ORAI2: variants seen among roughly 807,000 people sequenced by gnomAD.
The protein encoded by ORAI2 is ORAI calcium release-activated calcium modulator 2, also known as protein orai-2.
In ORAI2, 10 loss-of-function variants were observed where a neutral mutation model predicts 16.2. The ratio of observed to expected loss-of-function variants is 0.62; its 90% confidence interval spans 0.38 to 1.04. The LOEUF (loss-of-function observed/expected upper bound fraction) is 1.04. ORAI2 is among the 50% of genes least tolerant of loss of function. The pLI, the probability that ORAI2 is intolerant of heterozygous loss-of-function variation, is 0.01. For missense variants in ORAI2, 238 were observed against 355.5 expected (o/e 0.67, Z 2.66); for synonymous variants, 150 against 157.5 (o/e 0.95, Z 0.35).
In ORAI2 at chr7:102,446,989, C is replaced by T. The variant is rs759885796; in HGVS notation, c.702C>T (p.Ile234=). 1.3e-5 allele frequency: 21 copies of T among 1,592,128 alleles called. No individual in the cohort carries two copies. Among genetic ancestry groups the T allele is most frequent in the Admixed American group, 3.5e-5 (2 of 56,362 alleles). The part of the protein sequence containing the change: ...RHKTERHNRE[I]EELHKLKVQL... ...AAACGGAGCGCCACAACCGCGAGATCGAGGAGCTCCACAAGCTCAAGGTCC... is the reference window on the plus strand; with the variant it reads ...AAACGGAGCGCCACAACCGCGAGATTGAGGAGCTCCACAAGCTCAAGGTCC... Residue 234 remains isoleucine, a synonymous_variant, in exon 4 of 4, where the codon ATC becomes ATT. Transcript: ENST00000495936.
intron 3 of ORAI2, among the ~76,000 whole-genome samples, chr7:102,445,881 C>T (rs888470561): frequency 7.2e-6 from 1 of 137,974 alleles, no homozygotes; most frequent in Non-Finnish European, 1.5e-5. Flanking sequence ...TTTTCTTTCT[C>T]TCTCTTTCTT....
rs1407250479 is a variant in ORAI2, at chr7:102,454,817, C to T, written c.*7765C>T. 2 of 152,310 alleles carry T rather than the reference C, an allele frequency of 1.3e-5. No individual in the cohort carries two copies. Among genetic ancestry groups the T allele is most frequent in the Admixed American group, 6.5e-5 (1 of 15,274 alleles). The allele number at this position is 152,310 out of a possible 1,614,324, so 9.4% of individuals were successfully genotyped here. ...TGTCTGATGGATGCGGAAATGGCCA[C>T]CCCAAACACCGGTAAGCAGATGTTA... On this transcript the variant is annotated 3_prime_UTR_variant, in exon 4 of 4. Coordinates refer to ENST00000495936, the MANE Select transcript of ORAI2 (RefSeq NM_001126340.3).
rs908848904 is a variant in ORAI2 at position 102,452,801 on chromosome 7, T to G, written c.*5749T>G. 8.5e-6 allele frequency: 1 copy of G among 117,620 alleles called. No homozygotes were observed. Among genetic ancestry groups the G allele is most frequent in the Non-Finnish European group, 1.6e-5 (1 of 62,766 alleles). The allele number at this position is 117,620 out of a possible 1,614,324, so 7.3% of individuals were successfully genotyped here. ...CCTCTTCTAGGAAAGAATTTCTGTTTGTTTTGTTTTGTTTTGTTTTGTTTT... is the reference window on the plus strand; with the variant it reads ...CCTCTTCTAGGAAAGAATTTCTGTTGGTTTTGTTTTGTTTTGTTTTGTTTT... On this transcript the variant is annotated 3_prime_UTR_variant, in exon 4 of 4. Coordinates refer to ENST00000495936, the MANE Select transcript of ORAI2 (RefSeq NM_001126340.3).
Position 102,446,556 on chromosome 7 carries a change from C to G in ORAI2, c.269C>G (p.Pro90Arg). 1 of 1,612,406 alleles carries G rather than the reference C, an allele frequency of 6.2e-7. No homozygotes were observed. Residue 90 changes from proline (P) to arginine (R), a missense_variant, in exon 4 of 4, where the codon CCG becomes CGG. By Grantham distance (103) the Pro-to-Arg change is moderately radical. This residue lies in a region of ORAI2 where 176 missense variants were observed against 265.9 expected (regional missense o/e 0.66). Transcript: ENST00000495936. ...EVQLETQYQY[P>R]RPLLIAFSAC... ...CAGCTGGAGACGCAGTACCAGTACC[C>G]GCGGCCGCTGCTGATTGCCTTCAGC...
At chr7:102,439,633 G>C (rs562295849) in intron 3 of ORAI2, among the ~76,000 whole-genome samples, 1 of 151,902 alleles carries the variant, frequency 6.6e-6, no homozygotes, top group African/African-American at 2.4e-5. Flanking sequence ...ACGTGGTGGC[G>C]TGCACCTATA....
At chr7:102,439,283 C>A in intron 3 of ORAI2, 102 bp downstream of exon 3, 4 of 966,182 alleles carry the variant, frequency 4.1e-6, no homozygotes, top group South Asian at 2.9e-5. Context: ...CAGTCTCTGG[C>A]AGCCAGGATG....
chr7:102,446,480 A>C (rs886790451), intron 3 of ORAI2, 33 bp from the exon 4 acceptor site: 24 of 1,576,392 alleles, frequency 1.5e-5, no homozygotes, highest in Non-Finnish European at 1.9e-5. Context: ...TGCCCTCTCC[A>C]CACCCAGCAC....
rs753027710 is a variant in ORAI2, at chr7:102,446,851, T to C, written c.564T>C (p.Pro188=). 14 of 1,613,664 alleles carry C rather than the reference T, an allele frequency of 8.7e-6. No homozygotes were observed. The highest frequency in any genetic ancestry group is 1.2e-5 in the Non-Finnish European group (14 of 1,179,998). Residue 188 remains proline (P), a synonymous_variant, in exon 4 of 4, where the codon CCT becomes CCC. Coordinates refer to ENST00000495936, the MANE Select transcript of ORAI2 (RefSeq NM_001126340.3). ...GCCAGCCTGGCCCCCCACCTGGCCC[T>C]GGGAGTCACACGGGCTGGCAGGCCG... ...ARRQPGPPPG[P]GSHTGWQAAL... is the part of the protein sequence containing the mutation.
Position 102,450,480 on chromosome 7 carries a change from T to C in ORAI2, c.*3428T>C, listed in dbSNP as rs2133239695. On this transcript the variant is annotated 3_prime_UTR_variant, in exon 4 of 4. Coordinates refer to ENST00000495936, the MANE Select transcript of ORAI2 (RefSeq NM_001126340.3). ...CCAGTGCCATCTGGGGGCCAGTTAC[T>C]GTACCTGGTCCCCAGGCAGAGCTCT... The C allele has an allele frequency of 6.6e-6, 1 of 152,402 alleles. No homozygotes were observed. Among genetic ancestry groups the C allele is most frequent in the East Asian group, 1.9e-4 (1 of 5,184 alleles). 9.4% of individuals were successfully genotyped at this position (152,402 alleles called of 1,614,324 possible).
intron 3 of ORAI2, among the ~76,000 whole-genome samples, chr7:102,440,576 A>G (rs1357473344): frequency 6.6e-6 from 1 of 152,192 alleles, no homozygotes; most frequent in Non-Finnish European, 1.5e-5. Flanking sequence ...TCTGTTGCCC[A>G]GGCTGGAGAG....
intron 3 of ORAI2, among the ~76,000 whole-genome samples, chr7:102,445,798 T>G (rs1335551603): frequency 2.1e-5 from 3 of 141,364 alleles, no homozygotes; most frequent in South Asian, 2.3e-4. Flanking sequence ...CACTTCTTTC[T>G]TTTGTTTCCT....
chr7:102,435,835 A>G (rs1797045455), intron 1 of ORAI2, among the ~76,000 whole-genome samples: 1 of 152,136 alleles, frequency 6.6e-6, no homozygotes, highest in African/African-American at 2.4e-5. Context: ...GGTTTCCACC[A>G]TGTTGTCCAG....
Position 102,438,825 on chromosome 7 carries a change from C to T in ORAI2, c.-13-119C>T, listed in dbSNP as rs1212564865. On this transcript the variant is annotated intron_variant, in intron 2 of 3. Transcript: ENST00000495936. ...TTTAGGTCCTGGGCACTTTCTAAAC[C>T]CCTGGGCTCTGGCGTGGGCTGTATA... 4 of 877,902 alleles carry T rather than the reference C, an allele frequency of 4.6e-6. No homozygotes were observed. In the African/African-American group the frequency reaches 5.0e-5, roughly 11 times the overall value. 54.4% of individuals were successfully genotyped at this position (877,902 alleles called of 1,614,324 possible). A position where few individuals can be genotyped will look rare whatever the true frequency, so the allele number is the denominator to read the frequency against.
rs11303680 is a variant in ORAI2, at chr7:102,448,716, C to CA, written c.*1680dup. 2,116 of 107,574 alleles carry CA rather than the reference C, an allele frequency of 0.02. 24 individuals carry two copies. Among genetic ancestry groups the CA allele is most frequent in the Admixed American group, 0.026 (260 of 9,836 alleles). 6.7% of individuals were successfully genotyped at this position (107,574 alleles called of 1,614,324 possible). ...TGGGCGACAGAGCCAGACTCCATCT[C>CA]AAAAAAAAAAAAAAAATTAGCCGGG... On this transcript the variant is annotated 3_prime_UTR_variant, in exon 4 of 4. Coordinates refer to ENST00000495936, the MANE Select transcript of ORAI2 (RefSeq NM_001126340.3).
chr7:102,450,934 C>G lies in ORAI2; in HGVS notation c.*3882C>G, dbSNP rs886733547. 3 of 152,248 alleles carry G rather than the reference C, an allele frequency of 2.0e-5. No homozygotes were observed. The highest frequency in any genetic ancestry group is 7.2e-5 in the African/African-American group (3 of 41,438). The allele number at this position is 152,248 out of a possible 1,614,324, so 9.4% of individuals were successfully genotyped here. On this transcript the variant is annotated 3_prime_UTR_variant, in exon 4 of 4. Coordinates refer to ENST00000495936, the MANE Select transcript of ORAI2 (RefSeq NM_001126340.3). Reference sequence around the variant, plus strand: ...GAGGGCTCCAGACCAGGTGTGGTGGCTCACATCTGTAATCCCAGCACTTTG... The same window carrying G: ...GAGGGCTCCAGACCAGGTGTGGTGGGTCACATCTGTAATCCCAGCACTTTG...
At position 102,447,054 on chromosome 7, in the gene ORAI2, G is replaced by A; in HGVS notation, c.*2G>A. The A allele has an allele frequency of 2.0e-6, 3 of 1,526,380 alleles. No individual in the cohort carries two copies. The highest frequency in any genetic ancestry group is 2.6e-6 in the Non-Finnish European group (3 of 1,139,854). 94.6% of individuals were successfully genotyped at this position (1,526,380 alleles called of 1,614,324 possible). A position where few individuals can be genotyped will look rare whatever the true frequency, so the allele number is the denominator to read the frequency against. On this transcript the variant is annotated 3_prime_UTR_variant, in exon 4 of 4. Coordinates refer to ENST00000495936, the MANE Select transcript of ORAI2 (RefSeq NM_001126340.3). ...GAGCGCAGCCTGCAGGTCTTGTGAG[G>A]GGCCGAGGGCCGGGGCTGGGAGCGG...
In ORAI2 at chr7:102,450,378, T is replaced by C. The variant is rs564165199; in HGVS notation, c.*3326T>C. On this transcript the variant is annotated 3_prime_UTR_variant, in exon 4 of 4. Coordinates refer to ENST00000495936, the MANE Select transcript of ORAI2 (RefSeq NM_001126340.3). ...TTGGGAGGGGCCCTGCTGGGCCTTC[T>C]CCTGCCACCTACCTTCCTGGACCAT... is the stretch of plus-strand genomic sequence containing the variant. 10 of 152,428 alleles carry C rather than the reference T, an allele frequency of 6.6e-5. No homozygotes were observed. Among genetic ancestry groups the C allele is most frequent in the Non-Finnish European group, 1.2e-4 (8 of 68,210 alleles). The allele number at this position is 152,428 out of a possible 1,614,324, so 9.4% of individuals were successfully genotyped here. A position where few individuals can be genotyped will look rare whatever the true frequency, so the allele number is the denominator to read the frequency against.
At chr7:102,443,460 T>G (rs1036882420) in intron 3 of ORAI2, among the ~76,000 whole-genome samples, 1 of 151,612 alleles carries the variant, frequency 6.6e-6, no homozygotes, top group Non-Finnish European at 1.5e-5. Context: ...ACAAAACCAC[T>G]TTTTGCAAGC....
In ORAI2 at chr7:102,439,327, G is replaced by T. The variant is rs892195887; in HGVS notation, c.225+146G>T. ...GGAAGCATCCACCCACGTCCCAGCTGCTCTAAGAGGACGACTCTATCAGTG... is the reference window on the plus strand; with the variant it reads ...GGAAGCATCCACCCACGTCCCAGCTTCTCTAAGAGGACGACTCTATCAGTG... On this transcript the variant is annotated intron_variant, in intron 3 of 3. Transcript: ENST00000495936. 8.8e-6 allele frequency: 6 copies of T among 682,750 alleles called. No homozygotes were observed. The African/African-American group carries it at 8.9e-5, about 10-fold the overall frequency. 42.3% of individuals were successfully genotyped at this position (682,750 alleles called of 1,614,324 possible).
Sources: allele counts gnomAD v4.1 joint callset (sites outside exome capture counted in the v4.1 genomes callset), GRCh38; gene constraint gnomAD v4.1.1; regional missense constraint gnomAD v4.1.1; transcripts MANE v1.5; gene names NCBI Gene and HGNC (gene_info 2026-07-23, HGNC 2026-07-21).